The following SV2C variants were observed in gnomAD, a reference collection of about 807,000 sequenced individuals.
SV2C encodes solute carrier family 22 member B3.
In SV2C, 49 loss-of-function variants were observed where a neutral mutation model predicts 79.7. That is an observed-to-expected ratio of 0.61 (90% confidence interval 0.49 to 0.78). The LOEUF (loss-of-function observed/expected upper bound fraction) is 0.78. SV2C is among the 30% of genes least tolerant of loss of function. The pLI is 0.00. For missense variants in SV2C, 833 were observed against 912.9 expected (o/e 0.91, Z 1.13); for synonymous variants, 334 against 333.2 (o/e 1.00, Z -0.03).
intron 1 of SV2C, among the ~76,000 whole-genome samples, chr5:76,109,404 A>G (rs1386791117): frequency 6.6e-6 from 1 of 152,210 alleles, no homozygotes; most frequent in African/African-American, 2.4e-5. Flanking sequence ...GAAAACACCA[A>G]TGAAATATGT....
At chr5:76,218,424 C>A (rs568906087) in intron 4 of SV2C, among the ~76,000 whole-genome samples, 1 of 152,214 alleles carries the variant, frequency 6.6e-6, no homozygotes, top group Admixed American at 6.5e-5. Context: ...ACTATGCAGC[C>A]ATAAAAAATA....
At chr5:75,862,423 T>C in the SV2C span, among the ~76,000 whole-genome samples, 2 of 152,164 alleles carry the variant, frequency 1.3e-5, no homozygotes, top group Non-Finnish European at 2.9e-5. Context: ...AGAAAAAACA[T>C]AATGATTTAG....
At chr5:76,094,326 T>C (rs983172704) in intron 1 of SV2C, among the ~76,000 whole-genome samples, 1 of 152,168 alleles carries the variant, frequency 6.6e-6, no homozygotes, top group African/African-American at 2.4e-5. Context: ...TTTTCATTCA[T>C]TGCCTCCTTT....
At chr5:76,105,895 AC>A (rs1232432144) in intron 1 of SV2C, among the ~76,000 whole-genome samples, 2 of 149,990 alleles carry the variant, frequency 1.3e-5, no homozygotes, top group African/African-American at 4.9e-5. Flanking sequence ...TCTTCTCTTC[AC>A]CTCTCCTCCC....
chr5:76,018,460 A>G, the SV2C span, among the ~76,000 whole-genome samples: 1 of 152,300 alleles, frequency 6.6e-6, no homozygotes, highest in Non-Finnish European at 1.5e-5. Context: ...TTTTCAAGGG[A>G]AAAATAATAG....
the SV2C span, among the ~76,000 whole-genome samples, chr5:75,888,530 C>A: frequency 1.3e-5 from 2 of 152,002 alleles, no homozygotes; most frequent in Admixed American, 6.6e-5. Flanking sequence ...TCTCCTGATT[C>A]TCTGAGTGGA....
intron 2 of SV2C, among the ~76,000 whole-genome samples, chr5:76,134,270 C>T (rs1440507609): frequency 6.6e-6 from 1 of 152,192 alleles, no homozygotes; most frequent in Admixed American, 6.5e-5. Flanking sequence ...TGTTGTGAGT[C>T]CCCAACAGGA....
intron 12 of SV2C, among the ~76,000 whole-genome samples, chr5:76,318,720 G>C (rs954039503): frequency 1.3e-5 from 2 of 152,220 alleles, no homozygotes; most frequent in Non-Finnish European, 2.9e-5. Context: ...AGTAGATTGA[G>C]TACAAATTGA....
At chr5:75,857,666 G>T in the SV2C span, among the ~76,000 whole-genome samples, 2 of 152,120 alleles carry the variant, frequency 1.3e-5, no homozygotes, top group Admixed American at 6.5e-5. Flanking sequence ...TTTTGGTGGG[G>T]ATTGCACGGA....
At chr5:76,132,822 A>AT (rs1748948549) in intron 2 of SV2C, among the ~76,000 whole-genome samples, 2 of 151,868 alleles carry the variant, frequency 1.3e-5, no homozygotes, top group Non-Finnish European at 1.5e-5. Flanking sequence ...GATAACTTTA[A>AT]TTTTTTCTAT....
chr5:75,852,838 A>G, the SV2C span, among the ~76,000 whole-genome samples: 11 of 140,812 alleles, frequency 7.8e-5, no homozygotes, highest in Admixed American at 2.0e-4. Flanking sequence ...AAAAAAAAAA[A>G]AAAAAGAAAA....
At chr5:76,086,121 C>A (rs1353384440) in intron 1 of SV2C, among the ~76,000 whole-genome samples, 1 of 152,186 alleles carries the variant, frequency 6.6e-6, no homozygotes, top group Non-Finnish European at 1.5e-5. Context: ...ATCTGAGCAG[C>A]AGACTGGCCT....
chr5:76,157,572 T>C (rs893081186), intron 2 of SV2C, among the ~76,000 whole-genome samples: 26 of 151,932 alleles, frequency 1.7e-4, no homozygotes, highest in Non-Finnish European at 2.8e-4. Flanking sequence ...TACACATATA[T>C]ACACACATAC....
intron 4 of SV2C, among the ~76,000 whole-genome samples, chr5:76,247,379 CTTTATTCA>C (rs1745976569): frequency 6.6e-6 from 1 of 152,236 alleles, no homozygotes; most frequent in African/African-American, 2.4e-5. Flanking sequence ...CCTGTTCATG[CTTTATTCA>C]TCTGTAGCTG....
the SV2C span, among the ~76,000 whole-genome samples, chr5:76,027,404 T>C: frequency 1.3e-5 from 2 of 152,212 alleles, no homozygotes; most frequent in East Asian, 3.9e-4. Context: ...CATTTCTTAT[T>C]TTATATCTTG....
At position 76,177,164 on chromosome 5, in the gene SV2C, A is replaced by T. The variant is rs566090506; in HGVS notation, c.581-17755A>T. On this transcript the variant is annotated intron_variant, in intron 2 of 12. Coordinates refer to ENST00000502798, the MANE Select transcript of SV2C (RefSeq NM_014979.4). ...AAGTACAGAAGTGTATATATTTAATAATCAATTATATTAATCAATATATTA... is the reference window on the plus strand; with the variant it reads ...AAGTACAGAAGTGTATATATTTAATTATCAATTATATTAATCAATATATTA... Among the ~76,000 whole-genome samples, 51 of 148,524 alleles carry T rather than the reference A, an allele frequency of 3.4e-4. No homozygotes were observed. In the East Asian group the frequency reaches 8.8e-3, roughly 26 times the overall value.
chr5:76,079,456 C>A, upstream of SV2C: 1 of 295,608 alleles, frequency 3.4e-6, no homozygotes, highest in South Asian at 4.3e-5. Context: ...TGAAGAGGCA[C>A]ACCAAAGAAG....
At chr5:75,874,822 A>C in the SV2C span, among the ~76,000 whole-genome samples, 3 of 152,218 alleles carry the variant, frequency 2.0e-5, no homozygotes, top group African/African-American at 7.2e-5. Flanking sequence ...TACAAAAAGA[A>C]TAAAACACCT....
the SV2C span, among the ~76,000 whole-genome samples, chr5:75,970,034 C>T: frequency 6.6e-6 from 1 of 152,078 alleles, no homozygotes; most frequent in Admixed American, 6.6e-5. Flanking sequence ...CAAAACCGCT[C>T]ATCTACATGG....
Sources: gnomAD v4.1 joint callset for allele counts (sites outside exome capture counted in the v4.1 genomes callset) on GRCh38, gnomAD v4.1.1 for gene constraint, MANE v1.5 for transcripts, NCBI Gene and HGNC (gene_info 2026-07-23, HGNC 2026-07-21) for gene names.